The following HAP1 variants were observed in gnomAD, a reference collection of about 807,000 sequenced individuals.
HAP1 encodes the protein huntingtin associated protein 1.
Under a neutral mutation model 60.3 loss-of-function variants are expected in HAP1, and 59 were observed. The ratio of observed to expected loss-of-function variants is 0.98; its 90% CI spans 0.79 to 1.22. HAP1 has a LOEUF of 1.22. Ranked by LOEUF, HAP1 falls within the 50% of genes most tolerant of loss-of-function variation. HAP1 has a pLI of 0.00. For synonymous variants in HAP1, 346 were observed against 330.6 expected, an observed-to-expected ratio of 1.05 and a Z score of -0.50; for missense variants, 825 against 785.3, an observed-to-expected ratio of 1.05 and a Z score of -0.60.
At position 41,734,535 on chromosome 17, in the gene HAP1, C is replaced by CG; in HGVS notation, c.99dup (p.Ala34ArgfsTer113). 6.2e-7 allele frequency: 1 copy of CG among 1,610,790 alleles called. No homozygotes were observed. Among genetic ancestry groups the CG allele is most frequent in the East Asian group, 2.2e-5 (1 of 44,864 alleles). On this transcript the variant is annotated frameshift_variant, in exon 1 of 11. Coordinates refer to ENST00000347901, the MANE Select transcript of HAP1 (RefSeq NM_177977.3). LOFTEE classifies it high-confidence loss of function. ...TGCGGCTGCGCAGAGGGCTCCGGAG[C>CG]GGGACTGGCTGAGGGCGAAGGTGCA...
intron 9 of HAP1, 76 bp downstream of exon 9, chr17:41,726,977 A>C (rs1437147238): frequency 1.4e-6 from 1 of 732,340 alleles, no homozygotes; most frequent in Non-Finnish European, 2.4e-6. Flanking sequence ...GGAAGGTCAG[A>C]GTGTGAGGGC....
chr17:41,720,269 C>T (rs914444638), downstream of HAP1, among the ~76,000 whole-genome samples: 6 of 151,826 alleles, frequency 4.0e-5, no homozygotes, highest in Non-Finnish European at 8.8e-5. Flanking sequence ...AATCTCGGCT[C>T]ACTGCAACCT....
In HAP1 at chr17:41,725,885, C is replaced by T. The variant is rs781860680; in HGVS notation, c.1380G>A (p.Met460Ile). 3 of 1,612,356 alleles carry T rather than the reference C, an allele frequency of 1.9e-6. No homozygotes were observed. The highest frequency in any genetic ancestry group is 2.5e-6 in the Non-Finnish European group (3 of 1,178,522). The change falls in exon 10 of 11, where the codon ATG becomes ATA. Residue 460 changes from methionine (M) to isoleucine (I), a missense_variant. Transcript: ENST00000347901. ...PVYFMERNYE[M>I]PRGDTSSLRY... The stretch of plus-strand genomic sequence containing the variant: ...TTAGGCTGGATGTGTCCCCTCTGGG[C>T]ATCTCATAATTCCTTCAAAGAGAAA...
chr17:41,731,891 T>C, intron 4 of HAP1, 46 bp downstream of exon 4: 1 of 826,114 alleles, frequency 1.2e-6, no homozygotes, highest in South Asian at 1.4e-5. Context: ...AATGAGGAAA[T>C]TGAGGCTCAG....
chr17:41,734,431 A>T lies in HAP1; in HGVS notation c.204T>A (p.Ala68=), dbSNP rs1555592095. Residue 68 remains alanine (A), a synonymous_variant, in exon 1 of 11, where the codon GCT becomes GCA. Transcript: ENST00000347901. ...SQFLSEARTG[A]RPASEAGAKA... ...TGGCTCCAGCCTCCGAGGCCGGGCG[A>T]GCTCCGGTGCGGGCTTCCGAGAGGA... 1 of 1,608,868 alleles carries T rather than the reference A, an allele frequency of 6.2e-7. No individual in the cohort carries two copies. The highest frequency in any genetic ancestry group is 1.7e-5 in the Admixed American group (1 of 59,908).
Position 41,732,116 on chromosome 17 carries a change from A to T in HAP1, c.717T>A (p.Ile239=), listed in dbSNP as rs1380109402. 4 of 1,613,656 alleles carry T rather than the reference A, an allele frequency of 2.5e-6. No homozygotes were observed. The highest frequency in any genetic ancestry group is 3.4e-6 in the Non-Finnish European group (4 of 1,179,806). ...AGTTCACCTGGTGTCTGAGGTATAAAATCTGGCAGGAAGAGAGAGGAGCCA... is the reference window on the plus strand; with the variant it reads ...AGTTCACCTGGTGTCTGAGGTATAATATCTGGCAGGAAGAGAGAGGAGCCA... ...EALLGSAKEE[I]LYLRHQVNLR... Residue 239 remains isoleucine (I), a splice_region_variant and synonymous_variant, in exon 4 of 11, where the codon ATT becomes ATA. Coordinates refer to ENST00000347901, the MANE Select transcript of HAP1 (RefSeq NM_177977.3).
Position 41,722,664 on chromosome 17 carries a change from C to T in HAP1, c.*2037G>A, listed in dbSNP as rs1017968611. On this transcript the variant is annotated 3_prime_UTR_variant, in exon 11 of 11. Coordinates refer to ENST00000347901, the MANE Select transcript of HAP1 (RefSeq NM_177977.3). The stretch of plus-strand genomic sequence containing the variant: ...CCAGGAGGGTATAGATCCTTTATTT[C>T]CTGCACCACACGCACACAGGCTGAC... 5 of 152,300 alleles carry T rather than the reference C, an allele frequency of 3.3e-5. No individual in the cohort carries two copies. Among genetic ancestry groups the T allele is most frequent in the African/African-American group, 1.2e-4 (5 of 41,450 alleles). 9.4% of individuals were successfully genotyped at this position (152,300 alleles called of 1,614,324 possible).
intron 9 of HAP1, among the ~76,000 whole-genome samples, chr17:41,726,326 A>G (rs1911619999): frequency 6.6e-6 from 1 of 151,480 alleles, no homozygotes; most frequent in South Asian, 2.1e-4. Context: ...AGGTAGGAGA[A>G]TCGCTTGAAC....
downstream of HAP1, chr17:41,718,229 T>C (rs2143151504): frequency 4.0e-6 from 1 of 248,572 alleles, no homozygotes; most frequent in Admixed American, 4.0e-5. Flanking sequence ...GCCTGGTTAG[T>C]ACTCAGATGG....
chr17:41,732,338 C>CCT lies in HAP1; in HGVS notation c.604_605dup (p.Asp203GlyfsTer3), dbSNP rs782465826. ...CGATGCGAGCTGCAGTGTTCAGGTC[C>CCT]CTCTCTCTCTGCAGGACCATCCCAT... On this transcript the variant is annotated frameshift_variant, in exon 3 of 11. Transcript: ENST00000347901. LOFTEE classifies it high-confidence loss of function. 2 of 1,613,826 alleles carry CCT rather than the reference C, an allele frequency of 1.2e-6. No homozygotes were observed. Among genetic ancestry groups the CCT allele is most frequent in the Non-Finnish European group, 1.7e-6 (2 of 1,179,860 alleles).
rs782229349 is a variant in HAP1, at chr17:41,725,036, C to CCA, written c.1524_1525insTG (p.Val509TrpfsTer19). ...GCAGCCCCCAGCTCCTCCTGGGGCA[C>CCA]GAACTCCTCCGCAGGCGTGAAATCT... On this transcript the variant is annotated frameshift_variant, in exon 11 of 11. Coordinates refer to ENST00000347901, the MANE Select transcript of HAP1 (RefSeq NM_177977.3). LOFTEE classifies it low-confidence loss of function (END_TRUNC). 6.2e-7 allele frequency: 1 copy of CCA among 1,612,378 alleles called. No individual in the cohort carries two copies. Among genetic ancestry groups the CCA allele is most frequent in the Non-Finnish European group, 8.5e-7 (1 of 1,179,064 alleles).
intron 1 of HAP1, 88 bp downstream of exon 1, chr17:41,734,078 G>C (rs1322162904): frequency 1.9e-6 from 2 of 1,049,986 alleles, no homozygotes; most frequent in African/African-American, 3.2e-5. Flanking sequence ...TGCTAGAGGG[G>C]GCGGGGTGCC....
chr17:41,731,404 C>T, intron 6 of HAP1, 89 bp downstream of exon 6: 1 of 903,154 alleles, frequency 1.1e-6, no homozygotes, highest in East Asian at 2.4e-5. Flanking sequence ...AGATCTGGGA[C>T]TTGAACTTGG....
rs139821233 is a variant in HAP1, at chr17:41,725,275, G to T, written c.1407-121C>A. On this transcript the variant is annotated intron_variant, in intron 10 of 10. Transcript: ENST00000347901. ...CTGGTTCTGTCCCAGCCAGGGGAGA[G>T]GGGAGCTAGGTACCAGCTCCAAGGC... is the stretch of plus-strand genomic sequence containing the variant. The T allele has an allele frequency of 4.6e-5, 37 of 809,176 alleles. No individual in the cohort carries two copies. In the African/African-American group the frequency reaches 5.6e-4, roughly 12 times the overall value. The allele number at this position is 809,176 out of a possible 1,614,324, so 50.1% of individuals were successfully genotyped here.
chr17:41,729,545 T>A (rs73301924), intron 6 of HAP1, among the ~76,000 whole-genome samples: 89,915 of 90,204 alleles, frequency 1, 44,813 homozygotes, highest in Middle Eastern at 1. Flanking sequence ...GGGAGCCTCC[T>A]TCTCAAAAAA....
At position 41,734,556 on chromosome 17, in the gene HAP1, G is replaced by A. The variant is rs781998142; in HGVS notation, c.79C>T (p.Pro27Ser). Residue 27 changes from proline (P) to serine (S), a missense_variant, in exon 1 of 11, where the codon CCT becomes TCT. Pro to Ser is a moderately conservative substitution (Grantham distance 74). Coordinates refer to ENST00000347901, the MANE Select transcript of HAP1 (RefSeq NM_177977.3). Reference protein sequence around the residue: ...PGDPAALTCAPSPSASPAPEP... With the variant: ...PGDPAALTCASSPSASPAPEP... ...GGAGCGGGACTGGCTGAGGGCGAAG[G>A]TGCACAGGTGAGTGCTGCTGGGTCC... 2 of 1,607,910 alleles carry A rather than the reference G, an allele frequency of 1.2e-6. No homozygotes were observed. Among genetic ancestry groups the A allele is most frequent in the Non-Finnish European group, 1.7e-6 (2 of 1,178,602 alleles).
chr17:41,720,859 G>A (rs1214583809), downstream of HAP1: 2 of 151,644 alleles, frequency 1.3e-5, no homozygotes, highest in Non-Finnish European at 2.9e-5. Flanking sequence ...GGGTGTAATG[G>A]TGCAATCTCA....
rs191065003 is a variant in HAP1 at position 41,726,724 on chromosome 17, G to A, written c.1367+329C>T. On this transcript the variant is annotated intron_variant, in intron 9 of 10. Transcript: ENST00000347901. ...CTAAAAATACAAAAAGTAGCCGGGC[G>A]TGATGGCACATGCCTGTAATCCCAG... Among the ~76,000 whole-genome samples the A allele has an allele frequency of 1.1e-4, 17 of 151,838 alleles. No individual in the cohort carries two copies. In the East Asian group the frequency reaches 2.7e-3, roughly 24 times the overall value.
Position 41,724,843 on chromosome 17 carries a change from T to A in HAP1, c.1718A>T (p.Asn573Ile). 6.2e-7 allele frequency: 1 copy of A among 1,613,440 alleles called. No homozygotes were observed. Among genetic ancestry groups the A allele is most frequent in the Non-Finnish European group, 8.5e-7 (1 of 1,179,816 alleles). Residue 573 changes from asparagine to isoleucine, a missense_variant, in exon 11 of 11, where the codon AAT (asparagine) becomes ATT (isoleucine). By Grantham distance (149) the Asn-to-Ile change is moderately radical (BLOSUM62 -3). Coordinates refer to ENST00000347901, the MANE Select transcript of HAP1 (RefSeq NM_177977.3). ...SGLGPSHLDMNYVLQQLANWQ... is the reference protein window; with the variant it reads ...SGLGPSHLDMIYVLQQLANWQ... ...GTTGGCCAGCTGCTGGAGGACATAA[T>A]TCATGTCCAGGTGTGAAGGGCCCAA... is the stretch of plus-strand genomic sequence containing the variant.
Sources: allele counts gnomAD v4.1 joint callset (sites outside exome capture counted in the v4.1 genomes callset), GRCh38; gene constraint gnomAD v4.1.1; transcripts MANE v1.5; gene names NCBI Gene and HGNC (gene_info 2026-07-23, HGNC 2026-07-21).